LRCH3: variants seen among roughly 807,000 people sequenced by gnomAD.
LRCH3 encodes the protein leucine rich repeats and calponin homology domain containing 3, also known as DISP complex protein LRCH3.
Under a neutral mutation model 104.5 loss-of-function variants are expected in LRCH3, and 68 were observed. The observed-to-expected ratio is 0.65, with a 90% CI of 0.54 to 0.80. LRCH3 has a LOEUF of 0.80. Ranked by LOEUF, LRCH3 falls within the 30% of genes least tolerant of loss-of-function variation. The pLI, the probability that LRCH3 is intolerant of heterozygous loss-of-function variation, is 0.00. For missense variants in LRCH3, 951 were observed against 953.9 expected, an observed-to-expected ratio of 1.00 and a Z score of 0.04; for synonymous variants, 344 against 361.3, an observed-to-expected ratio of 0.95 and a Z score of 0.54.
intron 1 of LRCH3, among the ~76,000 whole-genome samples, chr3:197,812,504 G>GTGTTTTTTTTTTT (rs1733250059): frequency 2.0e-5 from 1 of 48,956 alleles, no homozygotes; most frequent in Non-Finnish European, 3.5e-5. Context: ...TCTGCTTTCA[G>GTGTTTTTTTTTTT]TTTTTTTTTT....
chr3:197,880,732 G>A, intron 20 of LRCH3: 1 of 1,536,598 alleles, frequency 6.5e-7, no homozygotes, highest in Non-Finnish European at 8.7e-7. Context: ...GCACTCCGGT[G>A]ACTTTCTGCC....
At position 197,791,428 on chromosome 3, in the gene LRCH3, T is replaced by C. The variant is rs754963129; in HGVS notation, c.150T>C (p.Asp50=). The change falls in exon 1 of 21, where the codon GAT becomes GAC. Residue 50 remains aspartate (D), a synonymous_variant. Transcript: ENST00000425562. ...FGPGSWSRSL[D]RALEEAAVTG... is the part of the protein sequence containing the mutation. ...CGGGCTCGTGGAGCCGCTCTCTCGA[T>C]CGAGCCCTGGAGGAGGCGGCGGTCA... 1 of 1,594,890 alleles carries C rather than the reference T, an allele frequency of 6.3e-7. No homozygotes were observed. Among genetic ancestry groups the C allele is most frequent in the Non-Finnish European group, 8.5e-7 (1 of 1,172,174 alleles).
intron 1 of LRCH3, among the ~76,000 whole-genome samples, chr3:197,796,124 G>C (rs1339028437): frequency 1.3e-5 from 2 of 152,162 alleles, no homozygotes; most frequent in East Asian, 1.9e-4. Flanking sequence ...ATATGAGGAA[G>C]CTAGATAGCC....
chr3:197,867,849 C>T (rs1163477627), intron 17 of LRCH3, among the ~76,000 whole-genome samples: 5 of 151,802 alleles, frequency 3.3e-5, no homozygotes, highest in Non-Finnish European at 5.9e-5. Context: ...AGCGAGACTC[C>T]GTTTCAAAAA....
Position 197,811,215 on chromosome 3 carries a change from A to G in LRCH3, c.263-3693A>G, listed in dbSNP as rs890515188. ...TATCATTGTGATATGTTACATAGCT[A>G]TCAAATAATATTTTAAATTATTACT... is the stretch of plus-strand genomic sequence containing the variant. On this transcript the variant is annotated intron_variant, in intron 1 of 20. Coordinates refer to ENST00000425562, the MANE Select transcript of LRCH3 (RefSeq NM_001365715.1). Among the ~76,000 whole-genome samples the G allele has an allele frequency of 4.6e-5, 7 of 152,322 alleles. No individual in the cohort carries two copies. In the South Asian group the frequency reaches 1.5e-3, roughly 32 times the overall value.
Position 197,882,537 on chromosome 3 carries a change from A to C in LRCH3, c.2209-1004A>C, listed in dbSNP as rs1251011673. Reference sequence around the variant, plus strand: ...AAAAGCAAAACAAAAAACAAAAAACAAAAAAACCCAACTAGTTGTTTTAAC... The same window carrying C: ...AAAAGCAAAACAAAAAACAAAAAACCAAAAAACCCAACTAGTTGTTTTAAC... On this transcript the variant is annotated intron_variant, in intron 20 of 20. Transcript: ENST00000425562. 30 of 941,890 alleles carry C rather than the reference A, an allele frequency of 3.2e-5. No homozygotes were observed. The African/African-American group carries it at 5.5e-4, about 17-fold the overall frequency. 58.3% of individuals were successfully genotyped at this position (941,890 alleles called of 1,614,324 possible).
chr3:197,873,676 G>A (rs574547850), intron 19 of LRCH3, among the ~76,000 whole-genome samples: 4 of 152,216 alleles, frequency 2.6e-5, no homozygotes, highest in East Asian at 1.9e-4. Context: ...AGTGAGCCAC[G>A]ATCATGCCAC....
In LRCH3 at chr3:197,843,358, A is replaced by T. The variant is rs530480616; in HGVS notation, c.1328+3961A>T. On this transcript the variant is annotated intron_variant, in intron 10 of 20. Transcript: ENST00000425562. ...CTGCCTTATACTGGCCAGGTGTAAT[A>T]CACCTGTATTACCTGTATAGTGCTG... 8.4e-4 allele frequency among the ~76,000 whole-genome samples: 128 copies of T among 152,172 alleles called. 1 individual carries two copies. Among genetic ancestry groups the T allele is most frequent in the Middle Eastern group, 3.4e-3 (1 of 294 alleles).
chr3:197,865,344 A>G (rs1193780666), intron 15 of LRCH3, 79 bp from the exon 16 acceptor site: 2 of 1,077,378 alleles, frequency 1.9e-6, no homozygotes, highest in Non-Finnish European at 2.7e-6. Context: ...TTTGTCTTTT[A>G]TAATTTCAAA....
At chr3:197,868,130 A>C (rs888482625) in intron 17 of LRCH3, among the ~76,000 whole-genome samples, 17 of 152,390 alleles carry the variant, frequency 1.1e-4, no homozygotes, top group African/African-American at 4.1e-4. Context: ...AGTGTAAGAA[A>C]GCATGGAAGA....
At position 197,819,616 on chromosome 3, in the gene LRCH3, T is replaced by C. The variant is rs899652959; in HGVS notation, c.535-709T>C. On this transcript the variant is annotated intron_variant, in intron 3 of 20. Coordinates refer to ENST00000425562, the MANE Select transcript of LRCH3 (RefSeq NM_001365715.1). The stretch of plus-strand genomic sequence containing the variant: ...CTGTAATCCCAGCTACTTGGGAGGC[T>C]GAGGCAGGAGAATTGCTGGAACCCG... 5.3e-5 allele frequency among the ~76,000 whole-genome samples: 8 copies of C among 152,102 alleles called. No individual in the cohort carries two copies. In the East Asian group the frequency reaches 1.5e-3, roughly 29 times the overall value.
At chr3:197,798,205 G>A (rs1731479563) in intron 1 of LRCH3, among the ~76,000 whole-genome samples, 1 of 152,116 alleles carries the variant, frequency 6.6e-6, no homozygotes, top group Admixed American at 6.6e-5. Flanking sequence ...AGGGTGCAGT[G>A]AGCGGAGGTC....
chr3:197,797,789 G>A (rs1224834458), intron 1 of LRCH3, among the ~76,000 whole-genome samples: 2 of 150,870 alleles, frequency 1.3e-5, no homozygotes, highest in African/African-American at 4.9e-5. Context: ...GTGCCGGGGA[G>A]GTGGAGGTTG....
chr3:197,846,398 A>T (rs1014284292), intron 10 of LRCH3, among the ~76,000 whole-genome samples: 7 of 149,712 alleles, frequency 4.7e-5, no homozygotes, highest in Admixed American at 2.0e-4. Flanking sequence ...AAAAAAAAAA[A>T]AACAAAAAAA....
rs541525954 is a variant in LRCH3 at position 197,855,041 on chromosome 3, A to G, written c.1644+596A>G. Reference sequence around the variant, plus strand: ...AGATGGAAGGTTTATTTAACATCTTATTAGCCTTGCGAAAGAATTCTAACC... The same window carrying G: ...AGATGGAAGGTTTATTTAACATCTTGTTAGCCTTGCGAAAGAATTCTAACC... On this transcript the variant is annotated intron_variant, in intron 14 of 20. Coordinates refer to ENST00000425562, the MANE Select transcript of LRCH3 (RefSeq NM_001365715.1). Among the ~76,000 whole-genome samples, 11 of 152,258 alleles carry G rather than the reference A, an allele frequency of 7.2e-5. No homozygotes were observed. In the South Asian group the frequency reaches 2.3e-3, roughly 32 times the overall value.
chr3:197,828,055 C>T (rs1735441373), intron 5 of LRCH3, among the ~76,000 whole-genome samples: 1 of 133,428 alleles, frequency 7.5e-6, no homozygotes, highest in Non-Finnish European at 1.5e-5. Context: ...CCAGCCTGGG[C>T]GACAGGGTGA....
chr3:197,835,596 T>A, intron 8 of LRCH3, 78 bp from the exon 9 acceptor site: 1 of 1,349,092 alleles, frequency 7.4e-7, no homozygotes, highest in South Asian at 2.1e-5. Context: ...AATAAGTAAA[T>A]GTCTTTTATT....
At chr3:197,866,051 G>A (rs1168146718) in intron 16 of LRCH3, 61 bp from the exon 17 acceptor site, 7 of 1,171,298 alleles carry the variant, frequency 6.0e-6, no homozygotes, top group African/African-American at 1.5e-5. Flanking sequence ...TTTGTAACTT[G>A]TATGTCTGCT....
At chr3:197,855,381 A>G (rs1478954816) in intron 14 of LRCH3, among the ~76,000 whole-genome samples, 1 of 152,256 alleles carries the variant, frequency 6.6e-6, no homozygotes, top group African/African-American at 2.4e-5. Flanking sequence ...TAAGTTAAAA[A>G]TGTAGACAAA....
Sources: gnomAD v4.1 joint callset for allele counts (sites outside exome capture counted in the v4.1 genomes callset) on GRCh38, gnomAD v4.1.1 for gene constraint, MANE v1.5 for transcripts, NCBI Gene and HGNC (gene_info 2026-07-23, HGNC 2026-07-21) for gene names.